GPR149: variants seen among roughly 807,000 people sequenced by gnomAD.
GPR149 encodes G protein-coupled receptor 149.
Under a neutral mutation model 50.2 loss-of-function variants are expected in GPR149, and 50 were observed. The observed-to-expected ratio is 1.00, with a 90% confidence interval of 0.79 to 1.26. The LOEUF (loss-of-function observed/expected upper bound fraction) is 1.26. Ranked by LOEUF, GPR149 falls within the 50% of genes most tolerant of loss-of-function variation. The pLI, the probability that GPR149 is intolerant of heterozygous loss-of-function variation, is 0.00. For missense variants in GPR149, 983 were observed against 895.4 expected (o/e 1.10, Z -1.25); for synonymous variants, 405 against 358.2 (o/e 1.13, Z -1.48).
intron 3 of GPR149, among the ~76,000 whole-genome samples, chr3:154,410,655 T>C (rs1014366340): frequency 1.3e-5 from 2 of 152,138 alleles, no homozygotes; most frequent in Non-Finnish European, 2.9e-5. Flanking sequence ...ATTCTAAATA[T>C]ACATGCACCT....
intron 3 of GPR149, among the ~76,000 whole-genome samples, chr3:154,386,970 C>T (rs1171419040): frequency 3.3e-5 from 2 of 61,244 alleles, no homozygotes; most frequent in South Asian, 8.5e-4. Flanking sequence ...GTATATTTTT[C>T]TCCTTTTTTT....
intron 3 of GPR149, 59 bp downstream of exon 3, chr3:154,420,979 TC>T: frequency 8.2e-7 from 1 of 1,213,630 alleles, no homozygotes; most frequent in South Asian, 1.5e-5. Context: ...ATAATGTTTT[TC>T]ATGACTATCA....
At chr3:154,417,839 GT>G (rs1712030570) in intron 3 of GPR149, among the ~76,000 whole-genome samples, 1 of 152,036 alleles carries the variant, frequency 6.6e-6, no homozygotes, top group South Asian at 2.1e-4. Flanking sequence ...AGTTGTTTTA[GT>G]CTTAGGAAAA....
intron 3 of GPR149, among the ~76,000 whole-genome samples, chr3:154,347,906 T>C (rs1356133754): frequency 6.6e-6 from 1 of 152,184 alleles, no homozygotes; most frequent in East Asian, 1.9e-4. Flanking sequence ...TATTGAAGTA[T>C]TGCAAAGGCA....
intron 3 of GPR149, among the ~76,000 whole-genome samples, chr3:154,355,615 A>C (rs983441501): frequency 6.6e-6 from 1 of 152,254 alleles, no homozygotes; most frequent in African/African-American, 2.4e-5. Context: ...CTAACAAAAT[A>C]AAAGAGGATA....
chr3:154,383,504 T>C (rs767352886), intron 3 of GPR149, among the ~76,000 whole-genome samples: 1 of 152,060 alleles, frequency 6.6e-6, no homozygotes, highest in Non-Finnish European at 1.5e-5. Context: ...CATATCGAAG[T>C]AGTTAAAAAA....
At chr3:154,358,182 C>A (rs971952686) in intron 3 of GPR149, among the ~76,000 whole-genome samples, 10 of 152,000 alleles carry the variant, frequency 6.6e-5, no homozygotes, top group Admixed American at 6.6e-5. Context: ...GGATATATAC[C>A]TAATGTTAAA....
In GPR149 at chr3:154,427,900, T is replaced by A. The variant is rs555030579; in HGVS notation, c.982-192A>T. On this transcript the variant is annotated intron_variant, in intron 1 of 3. Transcript: ENST00000389740. Reference sequence around the variant, plus strand: ...GGAACGGCGGGGCACACCCCCAGGGTTGGGAGGGGTTTCAGCTTTTGAGTG... The same window carrying A: ...GGAACGGCGGGGCACACCCCCAGGGATGGGAGGGGTTTCAGCTTTTGAGTG... 4.6e-5 allele frequency among the ~76,000 whole-genome samples: 7 copies of A among 152,022 alleles called. No individual in the cohort carries two copies. The East Asian group carries it at 1.2e-3, about 25-fold the overall frequency.
At chr3:154,354,144 T>TC in intron 3 of GPR149, 1 of 496,988 alleles carries the variant, frequency 2.0e-6, no homozygotes, top group South Asian at 1.6e-5. Context: ...TTTTAGTTTT[T>TC]TTTGGCCTTG....
At chr3:154,346,091 C>A (rs1486486428) in intron 3 of GPR149, among the ~76,000 whole-genome samples, 2 of 152,080 alleles carry the variant, frequency 1.3e-5, no homozygotes, top group Non-Finnish European at 2.9e-5. Flanking sequence ...TCATGAGTAA[C>A]CCAAATGACT....
At chr3:154,393,215 CT>C (rs1161076244) in intron 3 of GPR149, among the ~76,000 whole-genome samples, 1 of 151,882 alleles carries the variant, frequency 6.6e-6, no homozygotes, top group African/African-American at 2.4e-5. Flanking sequence ...CAACAACTTA[CT>C]AAGAGGATCA....
At chr3:154,347,239 G>A (rs1164647366) in intron 3 of GPR149, among the ~76,000 whole-genome samples, 2 of 152,160 alleles carry the variant, frequency 1.3e-5, no homozygotes, top group Non-Finnish European at 2.9e-5. Context: ...CACACACGAG[G>A]CTAGGTAATT....
intron 3 of GPR149, among the ~76,000 whole-genome samples, chr3:154,393,434 T>A (rs539631289): frequency 6.6e-6 from 1 of 152,156 alleles, no homozygotes; most frequent in African/African-American, 2.4e-5. Context: ...TACCTTAACA[T>A]GAAAAGCCAT....
chr3:154,335,222 A>C lies in GPR149; in HGVS notation c.*2477T>G, dbSNP rs796424419. 1.5e-4 allele frequency: 23 copies of C among 152,192 alleles called. No individual in the cohort carries two copies. The highest frequency in any genetic ancestry group is 5.5e-4 in the African/African-American group (23 of 41,468). The allele number at this position is 152,192 out of a possible 1,614,324, so 9.4% of individuals were successfully genotyped here. A position where few individuals can be genotyped will look rare whatever the true frequency, so the allele number is the denominator to read the frequency against. Reference sequence around the variant, plus strand: ...AAATATAGTATTTATTAATAAGAAGAACAATATAACTATACAAGGGTAAGG... The same window carrying C: ...AAATATAGTATTTATTAATAAGAAGCACAATATAACTATACAAGGGTAAGG... On this transcript the variant is annotated 3_prime_UTR_variant, in exon 4 of 4. Transcript: ENST00000389740.
chr3:154,390,058 G>T (rs1405694320), intron 3 of GPR149, among the ~76,000 whole-genome samples: 1 of 152,124 alleles, frequency 6.6e-6, no homozygotes, highest in African/African-American at 2.4e-5. Flanking sequence ...TGAGAACAAA[G>T]GTCACAGTTT....
chr3:154,430,106 T>C lies in GPR149; in HGVS notation c.-491A>G, dbSNP rs1288273808. ...CAAAGGCAGGAGATTGTCAGGTAGG[T>C]TTCAGCTTTGAAGGTGGAGAGAGAG... On this transcript the variant is annotated 5_prime_UTR_variant, in exon 1 of 4. Transcript: ENST00000389740. Among the ~76,000 whole-genome samples the C allele has an allele frequency of 2.0e-5, 3 of 150,870 alleles. No homozygotes were observed. Among genetic ancestry groups the C allele is most frequent in the Admixed American group, 6.6e-5 (1 of 15,068 alleles).
intron 3 of GPR149, among the ~76,000 whole-genome samples, chr3:154,367,656 A>G (rs1714561474): frequency 6.6e-6 from 1 of 152,184 alleles, no homozygotes. Flanking sequence ...GACACCTTCC[A>G]TGCTGTGGAA....
At chr3:154,416,084 G>A (rs556710763) in intron 3 of GPR149, among the ~76,000 whole-genome samples, 51 of 151,748 alleles carry the variant, frequency 3.4e-4, no homozygotes, top group Middle Eastern at 3.4e-3. Flanking sequence ...CACTGTTCTC[G>A]TTTTTTAAAT....
intron 3 of GPR149, among the ~76,000 whole-genome samples, chr3:154,410,329 C>A (rs539706877): frequency 2.2e-4 from 34 of 151,956 alleles, no homozygotes; most frequent in Non-Finnish European, 2.7e-4. Flanking sequence ...ATGAAAAAAA[C>A]CAAGTTATTC....
Sources: allele counts gnomAD v4.1 joint callset (sites outside exome capture counted in the v4.1 genomes callset), GRCh38; gene constraint gnomAD v4.1.1; transcripts MANE v1.5; gene names NCBI Gene and HGNC (gene_info 2026-07-23, HGNC 2026-07-21).